CLASP1: variants seen among roughly 807,000 people sequenced by gnomAD.
CLASP1 encodes CLIP-associating protein 1.
CLASP1 carries 38 observed loss-of-function variants against 192.3 expected under a neutral mutation model. That is an observed-to-expected ratio of 0.20 (90% CI 0.15 to 0.26). The LOEUF (loss-of-function observed/expected upper bound fraction) is 0.26. Ranked by LOEUF, CLASP1 falls within the 10% of genes least tolerant of loss-of-function variation. The pLI, the probability that CLASP1 is intolerant of heterozygous loss-of-function variation, is 1.00. For missense variants in CLASP1, 1,433 were observed against 1,932.5 expected (o/e 0.74, Z 4.85); for synonymous variants, 691 against 712.8 (o/e 0.97, Z 0.49).
At chr2:121,423,035 ATT>A (rs2079779027) in intron 22 of CLASP1, among the ~76,000 whole-genome samples, 1 of 152,168 alleles carries the variant, frequency 6.6e-6, no homozygotes, top group African/African-American at 2.4e-5. Context: ...TATATAATCT[ATT>A]ACTGAATAAT....
chr2:121,413,836 A>G (rs950404780), intron 23 of CLASP1, among the ~76,000 whole-genome samples: 1 of 152,174 alleles, frequency 6.6e-6, no homozygotes, highest in Non-Finnish European at 1.5e-5. Context: ...CAGGAACCCT[A>G]AATAATACCT....
intron 19 of CLASP1, among the ~76,000 whole-genome samples, chr2:121,436,061 T>C (rs1480296385): frequency 6.6e-6 from 1 of 152,058 alleles, no homozygotes; most frequent in Non-Finnish European, 1.5e-5. Context: ...AGACAGAACT[T>C]TACTCTGTCA....
At chr2:121,641,839 T>C (rs924320788) in intron 1 of CLASP1, among the ~76,000 whole-genome samples, 1 of 152,196 alleles carries the variant, frequency 6.6e-6, no homozygotes, top group Non-Finnish European at 1.5e-5. Flanking sequence ...GAATTTTTGG[T>C]TAGCTAGTGG....
chr2:121,558,874 A>G (rs983867462), intron 2 of CLASP1, among the ~76,000 whole-genome samples: 8 of 152,208 alleles, frequency 5.3e-5, no homozygotes, highest in Non-Finnish European at 1.0e-4. Flanking sequence ...AGATTCTCTC[A>G]TGGTTCTGTT....
intron 2 of CLASP1, among the ~76,000 whole-genome samples, chr2:121,593,281 A>T (rs888081272): frequency 6.6e-6 from 1 of 152,178 alleles, no homozygotes. Flanking sequence ...AAAATTATTA[A>T]GCCAAGAAAA....
intron 22 of CLASP1, among the ~76,000 whole-genome samples, chr2:121,421,363 C>T (rs1413451446): frequency 6.6e-6 from 1 of 152,062 alleles, no homozygotes; most frequent in Admixed American, 6.5e-5. Flanking sequence ...TCAAGTGATT[C>T]TCGTCCCACG....
At chr2:121,370,072 CG>C (rs1251896395) in intron 34 of CLASP1, among the ~76,000 whole-genome samples, 1 of 152,082 alleles carries the variant, frequency 6.6e-6, no homozygotes, top group African/African-American at 2.4e-5. Flanking sequence ...TGTAATTGAC[CG>C]TAAGGATGGG....
chr2:121,511,994 T>C (rs2094150287), intron 7 of CLASP1, among the ~76,000 whole-genome samples: 1 of 152,222 alleles, frequency 6.6e-6, no homozygotes, highest in Non-Finnish European at 1.5e-5. Flanking sequence ...AATCATTAAG[T>C]AATAAAACCT....
chr2:121,340,594 C>T, exon 40 of CLASP1: 1 of 366,108 alleles, frequency 2.7e-6, no homozygotes, highest in Non-Finnish European at 4.9e-6. Context: ...GCCATCTCAG[C>T]AGGCTGTACA....
intron 19 of CLASP1, among the ~76,000 whole-genome samples, chr2:121,435,276 C>CT (rs1173147977): frequency 6.6e-6 from 1 of 152,146 alleles, no homozygotes; most frequent in East Asian, 1.9e-4. Context: ...ACTTCTTTTT[C>CT]TTTTTTTCTT....
At position 121,448,942 on chromosome 2, in the gene CLASP1, G is replaced by C; in HGVS notation, c.1691+11C>G. The C allele has an allele frequency of 1.2e-6, 2 of 1,606,916 alleles. No individual in the cohort carries two copies. The highest frequency in any genetic ancestry group is 1.3e-5 in the African/African-American group (1 of 74,824). On this transcript the variant is annotated intron_variant, in intron 17 of 39. Transcript: ENST00000263710. ...TCTCACATGAATGATAAGCAAAGATGAATCTCTTACTTTAGACTCTCTTGA... is the reference window on the plus strand; with the variant it reads ...TCTCACATGAATGATAAGCAAAGATCAATCTCTTACTTTAGACTCTCTTGA...
chr2:121,512,383 C>T (rs2094164063), intron 7 of CLASP1, among the ~76,000 whole-genome samples: 1 of 152,204 alleles, frequency 6.6e-6, no homozygotes, highest in South Asian at 2.1e-4. Flanking sequence ...AAGCATGCCT[C>T]ACAGGGTATC....
intron 2 of CLASP1, among the ~76,000 whole-genome samples, chr2:121,567,223 A>C (rs2059584111): frequency 6.6e-6 from 1 of 151,572 alleles, no homozygotes; most frequent in African/African-American, 2.4e-5. Context: ...CTCACTGAAC[A>C]AACAGTCGAG....
chr2:121,390,895 C>T (rs1207493535), intron 30 of CLASP1, among the ~76,000 whole-genome samples: 22 of 152,000 alleles, frequency 1.4e-4, no homozygotes, highest in Admixed American at 1.4e-3. Context: ...GGCATAATCA[C>T]CGTGCACTGC....
At chr2:121,482,041 C>A (rs1362040081) in intron 8 of CLASP1, among the ~76,000 whole-genome samples, 10 of 152,166 alleles carry the variant, frequency 6.6e-5, no homozygotes, top group African/African-American at 2.4e-4. Flanking sequence ...CCAACCAACC[C>A]TCGGATGTGA....
rs756348808 is a variant in CLASP1 at position 121,484,236 on chromosome 2, C to A, written c.713-14276G>T. Among the ~76,000 whole-genome samples, 56 of 152,170 alleles carry A rather than the reference C, an allele frequency of 3.7e-4. 1 individual carries two copies. Among genetic ancestry groups the A allele is most frequent in the Non-Finnish European group, 6.8e-4 (46 of 68,030 alleles). On this transcript the variant is annotated intron_variant, in intron 8 of 39. Transcript: ENST00000263710. ...CTTTGATCATATGCTCATTTTCTAG[C>A]CCAAATAGGTCAAGTGAGTGTGCCA...
In CLASP1 at chr2:121,410,976, AAAAAAC is replaced by A; in HGVS notation, c.2321-13_2321-8del. ...TGGCCAAGCCCAAACCGATCTATTT[AAAAAAC>A]AAAAGCAAAAGATGTGTCACTTTAA... is the stretch of plus-strand genomic sequence containing the variant. On this transcript the variant is annotated splice_polypyrimidine_tract_variant and splice_region_variant and intron_variant, in intron 23 of 39. Transcript: ENST00000263710. The A allele has an allele frequency of 6.4e-7, 1 of 1,571,276 alleles. No homozygotes were observed. Among genetic ancestry groups the A allele is most frequent in the Non-Finnish European group, 8.7e-7 (1 of 1,154,762 alleles).
At chr2:121,414,841 T>C (rs922036744) in intron 23 of CLASP1, among the ~76,000 whole-genome samples, 3 of 152,194 alleles carry the variant, frequency 2.0e-5, no homozygotes, top group African/African-American at 7.2e-5. Flanking sequence ...TGAAGTGCAA[T>C]GGCACAATAA....
At chr2:121,633,241 CAT>C (rs1381355853) in intron 1 of CLASP1, among the ~76,000 whole-genome samples, 1 of 152,006 alleles carries the variant, frequency 6.6e-6, no homozygotes. Context: ...AGCGAATTCT[CAT>C]ATAACTATAA....
Sources: allele counts gnomAD v4.1 joint callset (sites outside exome capture counted in the v4.1 genomes callset), GRCh38; gene constraint gnomAD v4.1.1; transcripts MANE v1.5; gene names NCBI Gene and HGNC (gene_info 2026-07-23, HGNC 2026-07-21).